Variants in NRXN1 observed in about 807,000 individuals in gnomAD.
The protein encoded by NRXN1 is neurexin 1.
NRXN1 carries 39 observed loss-of-function variants against 150.9 expected under a neutral mutation model. That is an observed-to-expected ratio of 0.26 (90% CI 0.20 to 0.34). The LOEUF (loss-of-function observed/expected upper bound fraction) is 0.34. NRXN1 is among the 10% of genes least tolerant of loss of function. The pLI, the probability that NRXN1 is intolerant of heterozygous loss-of-function variation, is 1.00. For missense variants in NRXN1, 1,815 were observed against 1,949.9 expected (o/e 0.93, Z 1.30); for synonymous variants, 924 against 757.0 (o/e 1.22, Z -3.62).
intron 2 of NRXN1, among the ~76,000 whole-genome samples, chr2:51,004,622 G>A (rs72874568): frequency 0.027 from 4,048 of 151,870 alleles, 209 homozygotes; most frequent in African/African-American, 0.092. Flanking sequence ...CTGCCTGGAC[G>A]ACACACCAAG....
chr2:50,647,175 G>C (rs935373533), intron 5 of NRXN1, among the ~76,000 whole-genome samples: 3 of 151,730 alleles, frequency 2.0e-5, no homozygotes, highest in African/African-American at 7.3e-5. Flanking sequence ...TCATTCCCTG[G>C]AGAGTGTCTT....
chr2:50,245,621 A>G (rs947131041), intron 17 of NRXN1, among the ~76,000 whole-genome samples: 6 of 151,930 alleles, frequency 3.9e-5, no homozygotes, highest in Non-Finnish European at 8.8e-5. Flanking sequence ...GCTGGTCGGT[A>G]GAAGTTGTAG....
At chr2:50,462,448 A>C (rs537794940) in intron 17 of NRXN1, among the ~76,000 whole-genome samples, 97 of 151,910 alleles carry the variant, frequency 6.4e-4, no homozygotes, top group Non-Finnish European at 1.2e-3. Flanking sequence ...GATCAGAGGA[A>C]AGAGGAATAA....
intron 21 of NRXN1, among the ~76,000 whole-genome samples, chr2:49,989,790 T>G (rs1681609345): frequency 1.3e-5 from 2 of 152,200 alleles, no homozygotes; most frequent in African/African-American, 4.8e-5. Flanking sequence ...GGTAGGAAAG[T>G]AGTATTCAAC....
chr2:50,812,532 C>T (rs1668359302), intron 5 of NRXN1, among the ~76,000 whole-genome samples: 1 of 152,020 alleles, frequency 6.6e-6, no homozygotes, highest in Non-Finnish European at 1.5e-5. Flanking sequence ...TCATTACAAA[C>T]ATATTGATAG....
chr2:50,073,143 C>G (rs1434903323), intron 19 of NRXN1, among the ~76,000 whole-genome samples: 1 of 152,166 alleles, frequency 6.6e-6, no homozygotes, highest in Admixed American at 6.5e-5. Context: ...TTATAGTAAG[C>G]AATGCCTGGA....
intron 5 of NRXN1, among the ~76,000 whole-genome samples, chr2:50,652,847 G>A (rs1290798674): frequency 6.6e-6 from 1 of 151,950 alleles, no homozygotes; most frequent in Non-Finnish European, 1.5e-5. Context: ...TACTAACACT[G>A]GTTATTGTTG....
At chr2:50,250,196 G>A (rs1344377272) in intron 17 of NRXN1, among the ~76,000 whole-genome samples, 1 of 152,012 alleles carries the variant, frequency 6.6e-6, no homozygotes, top group Admixed American at 6.6e-5. Flanking sequence ...AGAATTTATG[G>A]TAACTTGGAC....
intron 5 of NRXN1, among the ~76,000 whole-genome samples, chr2:50,685,254 A>C (rs1016066372): frequency 1.3e-5 from 2 of 152,160 alleles, no homozygotes; most frequent in African/African-American, 4.8e-5. Flanking sequence ...GCCATCACAT[A>C]GCAAGATCTA....
chr2:50,951,158 A>T (rs184585466), intron 2 of NRXN1, among the ~76,000 whole-genome samples: 269 of 152,300 alleles, frequency 1.8e-3, no homozygotes, highest in African/African-American at 6.0e-3. Context: ...AGCTCAGGAT[A>T]ATTCCTTGGA....
intron 2 of NRXN1, among the ~76,000 whole-genome samples, chr2:50,935,071 T>C (rs1688320666): frequency 6.6e-6 from 1 of 152,192 alleles, no homozygotes; most frequent in Admixed American, 6.5e-5. Context: ...TGTCTTTAAG[T>C]CTATGACCAT....
chr2:50,552,871 G>C lies in NRXN1; in HGVS notation c.1475C>G (p.Ser492Cys), dbSNP rs1389403809. ...ITFETPESFI[S>C]LPKWNAKKTG... ...TTTCTTTGCATTCCATTTAGGCAAA[G>C]AGATGAAAGACTCTGGGGTTTCAAA... is the stretch of plus-strand genomic sequence containing the variant. Residue 492 changes from serine (S) to cysteine (C), a missense_variant, in exon 9 of 23, where the codon TCT becomes TGT. Physicochemically the swap from Ser to Cys is moderately radical, Grantham distance 112. Around this residue, in one of 6 missense-constraint regions of NRXN1, gnomAD observed 638 missense variants for 652.6 expected, o/e 0.98. Transcript: ENST00000401669. 4 of 1,613,986 alleles carry C rather than the reference G, an allele frequency of 2.5e-6. No homozygotes were observed. Among genetic ancestry groups the C allele is most frequent in the Non-Finnish European group, 2.5e-6 (3 of 1,179,864 alleles).
At chr2:50,541,303 C>A (rs2093383631) in intron 9 of NRXN1, among the ~76,000 whole-genome samples, 2 of 152,112 alleles carry the variant, frequency 1.3e-5, no homozygotes, top group African/African-American at 2.4e-5. Context: ...TAAGAGGACT[C>A]CTGGAGGACT....
At chr2:50,802,499 AT>A (rs1421427040) in intron 5 of NRXN1, among the ~76,000 whole-genome samples, 7 of 72,482 alleles carry the variant, frequency 9.7e-5, no homozygotes, top group African/African-American at 4.4e-4. Context: ...AGAAAGAGAA[AT>A]GGAAGGAAGG....
chr2:50,284,150 A>G (rs140530581), intron 17 of NRXN1, among the ~76,000 whole-genome samples: 321 of 152,328 alleles, frequency 2.1e-3, no homozygotes, highest in Non-Finnish European at 3.6e-3. Flanking sequence ...ATTCTCTGAC[A>G]TAACACTGGT....
At chr2:50,129,881 C>A (rs1375318552) in intron 18 of NRXN1, among the ~76,000 whole-genome samples, 2 of 152,142 alleles carry the variant, frequency 1.3e-5, no homozygotes, top group African/African-American at 4.8e-5. Context: ...GACTCCAAAA[C>A]AAATCAAACT....
chr2:50,288,531 T>TA (rs1476529539), intron 17 of NRXN1, among the ~76,000 whole-genome samples: 1 of 152,076 alleles, frequency 6.6e-6, no homozygotes, highest in East Asian at 1.9e-4. Flanking sequence ...ATGGGGTAAT[T>TA]TATAAAGGAA....
At chr2:50,634,136 G>C (rs562931561) in intron 5 of NRXN1, among the ~76,000 whole-genome samples, 5 of 152,192 alleles carry the variant, frequency 3.3e-5, no homozygotes, top group African/African-American at 1.2e-4. Context: ...CAAACTCTTT[G>C]ATTTTATTCG....
At chr2:50,757,415 G>A (rs1353878840) in intron 5 of NRXN1, among the ~76,000 whole-genome samples, 1 of 151,782 alleles carries the variant, frequency 6.6e-6, no homozygotes, top group Admixed American at 6.6e-5. Flanking sequence ...TAACTCAACT[G>A]TAAAGAAGTA....
Sources: allele counts gnomAD v4.1 joint callset (sites outside exome capture counted in the v4.1 genomes callset), GRCh38; gene constraint gnomAD v4.1.1; regional missense constraint gnomAD v4.1.1; transcripts MANE v1.5; gene names NCBI Gene and HGNC (gene_info 2026-07-23, HGNC 2026-07-21).